AOAH: variants seen among roughly 807,000 people sequenced by gnomAD.
AOAH encodes acyloxyacyl hydrolase (neutrophil).
Under a neutral mutation model 92.2 loss-of-function variants are expected in AOAH, and 64 were observed. That is an observed-to-expected ratio of 0.69 (90% CI 0.57 to 0.86). The LOEUF is 0.86. Among genes scored for constraint, AOAH ranks in the 40% least tolerant of loss-of-function variants. The pLI is 0.00. For synonymous variants in AOAH, 263 were observed against 254.5 expected (o/e 1.03, Z -0.32); for missense variants, 656 against 694.6 (o/e 0.94, Z 0.62).
chr7:36,513,682 C>T (rs1347393450), intron 20 of AOAH, among the ~76,000 whole-genome samples: 1 of 152,198 alleles, frequency 6.6e-6, no homozygotes, highest in Non-Finnish European at 1.5e-5. Flanking sequence ...CTGAGGGTGA[C>T]CCGGTTGCCA....
chr7:36,522,327 C>G (rs1487959960), intron 19 of AOAH, among the ~76,000 whole-genome samples: 1 of 152,160 alleles, frequency 6.6e-6, no homozygotes, highest in Non-Finnish European at 1.5e-5. Flanking sequence ...GAAGGGAATA[C>G]GTGAGAGCAT....
At chr7:36,533,894 G>A (rs1450943545) in intron 16 of AOAH, among the ~76,000 whole-genome samples, 3 of 152,136 alleles carry the variant, frequency 2.0e-5, no homozygotes, top group Admixed American at 2.0e-4. Context: ...GTGTCTGGCT[G>A]CTTTTGCCTT....
intron 1 of AOAH, among the ~76,000 whole-genome samples, chr7:36,718,636 G>A (rs1799412399): frequency 6.6e-6 from 1 of 152,126 alleles, no homozygotes. Flanking sequence ...AAGAAACAGG[G>A]TTGATACATG....
intron 16 of AOAH, among the ~76,000 whole-genome samples, chr7:36,535,778 T>C (rs1785021208): frequency 6.6e-6 from 1 of 152,206 alleles, no homozygotes; most frequent in African/African-American, 2.4e-5. Flanking sequence ...TGTCATCTTT[T>C]CTCAAAAGCA....
intron 20 of AOAH, among the ~76,000 whole-genome samples, chr7:36,520,583 T>C (rs1196125112): frequency 6.6e-6 from 1 of 151,742 alleles, no homozygotes; most frequent in South Asian, 2.1e-4. Flanking sequence ...CGCATGCCTG[T>C]AATCCCAGCT....
At chr7:36,717,617 C>T (rs1203502203) in intron 1 of AOAH, among the ~76,000 whole-genome samples, 2 of 151,942 alleles carry the variant, frequency 1.3e-5, no homozygotes, top group Admixed American at 6.6e-5. Context: ...GGGTTCCTGG[C>T]GGCCAACATT....
chr7:36,582,830 T>C (rs1445440993), intron 12 of AOAH, among the ~76,000 whole-genome samples: 1 of 148,390 alleles, frequency 6.7e-6, no homozygotes, highest in Admixed American at 7.0e-5. Context: ...CATATTCTGA[T>C]GAAATTTCTT....
intron 15 of AOAH, among the ~76,000 whole-genome samples, chr7:36,543,947 CTTTT>C (rs1219471100): frequency 2.2e-5 from 2 of 91,034 alleles, no homozygotes; most frequent in East Asian, 7.4e-4. Flanking sequence ...TTCTTTCTTT[CTTTT>C]TTTTTTTTTT....
At position 36,558,031 on chromosome 7, in the gene AOAH, G is replaced by A. The variant is rs1786909168; in HGVS notation, c.1022-8556C>T. ...AGCTTTGTTCCATTGCTGGTGAGGA[G>A]CTGTGTTCCTTTGGAGGAGGAGAGG... is the stretch of plus-strand genomic sequence containing the variant. On this transcript the variant is annotated intron_variant, in intron 13 of 20. Transcript: ENST00000617537. Among the ~76,000 whole-genome samples the A allele has an allele frequency of 2.0e-5, 3 of 152,328 alleles. No homozygotes were observed. In the South Asian group the frequency reaches 6.2e-4, roughly 32 times the overall value.
chr7:36,562,865 C>T (rs548950055), intron 13 of AOAH, among the ~76,000 whole-genome samples: 1 of 151,854 alleles, frequency 6.6e-6, no homozygotes, highest in Non-Finnish European at 1.5e-5. Context: ...AGAAAAAAGG[C>T]AGGCCAGACG....
chr7:36,568,008 TTAATATGTGCA>T (rs1453645217), intron 13 of AOAH, among the ~76,000 whole-genome samples: 6 of 152,224 alleles, frequency 3.9e-5, no homozygotes, highest in African/African-American at 1.2e-4. Flanking sequence ...TAGAAGTTTA[TTAATATGTGCA>T]TTGCACGTGT....
chr7:36,659,317 G>A (rs1795066083), intron 3 of AOAH, 52 bp from the exon 4 acceptor site: 1 of 1,421,940 alleles, frequency 7.0e-7, no homozygotes, highest in African/African-American at 1.4e-5. Context: ...TAGGCATTAG[G>A]AAACAGAAGC....
Position 36,522,119 on chromosome 7 carries a change from C to T in AOAH, c.1523-4G>A, listed in dbSNP as rs1197355616. ...CTCTTCTGCCACTCCTGTATGACTG[C>T]AGGGCACATAACGAGAGGGTTACAG... On this transcript the variant is annotated splice_region_variant and splice_polypyrimidine_tract_variant and intron_variant, in intron 19 of 20. Coordinates refer to ENST00000617537, the MANE Select transcript of AOAH (RefSeq NM_001637.4). 6.2e-7 allele frequency: 1 copy of T among 1,613,992 alleles called. No individual in the cohort carries two copies. The highest frequency in any genetic ancestry group is 1.7e-5 in the Admixed American group (1 of 60,006).
intron 16 of AOAH, among the ~76,000 whole-genome samples, chr7:36,534,825 G>A (rs949190875): frequency 2.6e-5 from 4 of 152,070 alleles, no homozygotes; most frequent in Admixed American, 1.3e-4. Flanking sequence ...ATCACCAGGG[G>A]CTGAGGAGCT....
At chr7:36,557,319 C>G (rs1786818508) in intron 13 of AOAH, among the ~76,000 whole-genome samples, 1 of 152,256 alleles carries the variant, frequency 6.6e-6, no homozygotes, top group Non-Finnish European at 1.5e-5. Context: ...GGCCCCCACT[C>G]TCCTCTGGCT....
intron 1 of AOAH, among the ~76,000 whole-genome samples, chr7:36,703,160 T>C (rs1262530399): frequency 1.3e-5 from 2 of 152,196 alleles, no homozygotes; most frequent in Non-Finnish European, 2.9e-5. Flanking sequence ...TTGCCATTTA[T>C]ATCACATCTG....
chr7:36,574,311 C>A (rs2116616632), intron 13 of AOAH, among the ~76,000 whole-genome samples: 1 of 152,190 alleles, frequency 6.6e-6, no homozygotes, highest in East Asian at 1.9e-4. Context: ...AAAGCCACGG[C>A]CTTCGAGCAC....
At chr7:36,575,815 G>A (rs1040104472) in intron 13 of AOAH, among the ~76,000 whole-genome samples, 1 of 152,188 alleles carries the variant, frequency 6.6e-6, no homozygotes, top group Non-Finnish European at 1.5e-5. Context: ...TTGTTAATTA[G>A]AGATAGCACA....
chr7:36,618,762 G>A (rs1028848688), intron 9 of AOAH, among the ~76,000 whole-genome samples: 3 of 152,164 alleles, frequency 2.0e-5, no homozygotes, highest in Non-Finnish European at 2.9e-5. Context: ...AATTCTCAAG[G>A]GGTCCATTTT....
Sources: allele counts gnomAD v4.1 joint callset (sites outside exome capture counted in the v4.1 genomes callset), GRCh38; gene constraint gnomAD v4.1.1; transcripts MANE v1.5; gene names NCBI Gene and HGNC (gene_info 2026-07-23, HGNC 2026-07-21).